SLC35F3: variants seen among roughly 807,000 people sequenced by gnomAD.
SLC35F3 encodes putative thiamine transporter SLC35F3.
A neutral mutation model predicts 49.9 loss-of-function variants in SLC35F3; 25 were observed. That is an observed-to-expected ratio of 0.50 (90% confidence interval 0.37 to 0.70). SLC35F3 has a LOEUF of 0.70. SLC35F3 is among the 30% of genes least tolerant of loss of function. The pLI is 0.00. For missense variants in SLC35F3, 525 were observed against 639.8 expected (o/e 0.82, Z 1.94); for synonymous variants, 275 against 265.4 (o/e 1.04, Z -0.35).
chr1:234,220,430 T>A (rs1214504375), intron 2 of SLC35F3, among the ~76,000 whole-genome samples: 2 of 152,164 alleles, frequency 1.3e-5, no homozygotes, highest in Non-Finnish European at 2.9e-5. Context: ...ACAGCAGCAG[T>A]CCACACATGA....
chr1:234,271,862 G>C (rs1039793562), intron 3 of SLC35F3, among the ~76,000 whole-genome samples: 35 of 152,130 alleles, frequency 2.3e-4, no homozygotes, highest in African/African-American at 8.4e-4. Context: ...CAGTGGCTCA[G>C]GTCTGTAATC....
intron 2 of SLC35F3, among the ~76,000 whole-genome samples, chr1:233,965,944 A>T (rs1662898874): frequency 6.6e-6 from 1 of 152,200 alleles, no homozygotes; most frequent in Admixed American, 6.5e-5. Context: ...GGATATTTTC[A>T]TGGGCAGCAG....
intron 2 of SLC35F3, among the ~76,000 whole-genome samples, chr1:233,954,904 T>C (rs7414168): frequency 0.12 from 17,786 of 152,118 alleles, 1,197 homozygotes; most frequent in East Asian, 0.19. Context: ...AGTGCAATGG[T>C]GCGATCTTGG....
At chr1:234,172,496 G>A (rs1468854761) in intron 2 of SLC35F3, among the ~76,000 whole-genome samples, 1 of 152,214 alleles carries the variant, frequency 6.6e-6, no homozygotes, top group African/African-American at 2.4e-5. Flanking sequence ...CGAAGTGCTA[G>A]GATTACAGGT....
intron 3 of SLC35F3, among the ~76,000 whole-genome samples, chr1:234,237,812 CT>C (rs745374687): frequency 5.5e-4 from 84 of 152,232 alleles, no homozygotes; most frequent in Admixed American, 3.9e-4. Context: ...TACCTTCACC[CT>C]TCCTCCTACC....
chr1:234,134,020 C>T (rs895178063), intron 2 of SLC35F3, among the ~76,000 whole-genome samples: 5 of 152,160 alleles, frequency 3.3e-5, no homozygotes, highest in Admixed American at 6.5e-5. Flanking sequence ...ATCCATAAAG[C>T]GTATAGACCA....
intron 3 of SLC35F3, among the ~76,000 whole-genome samples, chr1:234,263,875 G>A (rs138808866): frequency 0.081 from 12,306 of 152,220 alleles, 895 homozygotes; most frequent in African/African-American, 0.2. Context: ...TTGGGAGGCC[G>A]AGGCGGGCAG....
At chr1:234,121,223 A>G (rs1245184949) in intron 2 of SLC35F3, among the ~76,000 whole-genome samples, 2 of 135,184 alleles carry the variant, frequency 1.5e-5, no homozygotes, top group Non-Finnish European at 3.0e-5. Context: ...TGCAAGCTCC[A>G]CCTCCCGGGT....
At chr1:234,118,638 A>G (rs1283690423) in intron 2 of SLC35F3, among the ~76,000 whole-genome samples, 1 of 152,190 alleles carries the variant, frequency 6.6e-6, no homozygotes, top group Non-Finnish European at 1.5e-5. Flanking sequence ...ATGTTGGCCA[A>G]TCCTGGCTCT....
At chr1:233,910,287 C>T (rs1040607741) in intron 2 of SLC35F3, among the ~76,000 whole-genome samples, 1 of 152,114 alleles carries the variant, frequency 6.6e-6, no homozygotes, top group African/African-American at 2.4e-5. Flanking sequence ...AATCAAAGAC[C>T]AGGAAAAATC....
intron 3 of SLC35F3, among the ~76,000 whole-genome samples, chr1:234,247,314 G>T (rs535510808): frequency 6.6e-6 from 1 of 152,254 alleles, no homozygotes; most frequent in Non-Finnish European, 1.5e-5. Flanking sequence ...TTGGTCAGTT[G>T]ATTGGCTGGT....
At chr1:234,029,508 A>G (rs1305788951) in intron 2 of SLC35F3, among the ~76,000 whole-genome samples, 2 of 152,164 alleles carry the variant, frequency 1.3e-5, no homozygotes, top group Non-Finnish European at 2.9e-5. Context: ...GTGCCCTAGA[A>G]CCATGATACT....
intron 2 of SLC35F3, among the ~76,000 whole-genome samples, chr1:234,191,651 A>C (rs1261097962): frequency 6.6e-6 from 1 of 152,142 alleles, no homozygotes; most frequent in Non-Finnish European, 1.5e-5. Context: ...CGAAAGACAA[A>C]TGAAACAAAA....
At chr1:234,045,136 G>T (rs1366094027) in intron 2 of SLC35F3, among the ~76,000 whole-genome samples, 1 of 152,112 alleles carries the variant, frequency 6.6e-6, no homozygotes, top group African/African-American at 2.4e-5. Flanking sequence ...TCCTATAGCT[G>T]AAGTGCTGGT....
intron 3 of SLC35F3, among the ~76,000 whole-genome samples, chr1:234,245,190 T>C (rs762637019): frequency 1.3e-5 from 2 of 152,222 alleles, no homozygotes; most frequent in African/African-American, 2.4e-5. Context: ...CAAGTGTTTT[T>C]AGCTCCTGCA....
rs186071030 is a variant in SLC35F3, at chr1:234,075,407, T to C, written c.284-156010T>C. 2.4e-4 allele frequency among the ~76,000 whole-genome samples: 36 copies of C among 152,336 alleles called. 1 individual carries two copies. In the East Asian group the frequency reaches 6.0e-3, roughly 25 times the overall value. On this transcript the variant is annotated intron_variant, in intron 2 of 7. Transcript: ENST00000366618. ...TAGAAAGAGCATATATTTTAATATA[T>C]GTACAAAAATACGGGAGCATTTGCA...
chr1:234,169,092 C>T (rs577984362), intron 2 of SLC35F3, among the ~76,000 whole-genome samples: 35 of 152,298 alleles, frequency 2.3e-4, no homozygotes, highest in African/African-American at 8.2e-4. Context: ...TCAGGACCCC[C>T]AGTGGCTAAT....
chr1:234,072,814 C>CCTCA, intron 2 of SLC35F3, among the ~76,000 whole-genome samples: 1 of 152,286 alleles, frequency 6.6e-6, no homozygotes, highest in Admixed American at 6.5e-5. Context: ...CCCATCACAC[C>CCTCA]AGGCCTCAGA....
intron 3 of SLC35F3, among the ~76,000 whole-genome samples, chr1:234,238,698 G>A (rs1292254007): frequency 1.3e-5 from 2 of 152,012 alleles, no homozygotes; most frequent in Admixed American, 1.3e-4. Context: ...CACCCCTACA[G>A]ACAAGTTCAG....
Sources: gnomAD v4.1 joint callset for allele counts (sites outside exome capture counted in the v4.1 genomes callset) on GRCh38, gnomAD v4.1.1 for gene constraint, MANE v1.5 for transcripts, NCBI Gene and HGNC (gene_info 2026-07-23, HGNC 2026-07-21) for gene names.